SPACA7: variants seen among roughly 807,000 people sequenced by gnomAD.
The protein encoded by SPACA7 is sperm acrosome associated 7.
SPACA7 carries 19 observed loss-of-function variants against 26.3 expected under a neutral mutation model. That is an observed-to-expected ratio of 0.72 (90% confidence interval 0.50 to 1.06). The LOEUF (loss-of-function observed/expected upper bound fraction) is 1.06. Among genes scored for constraint, SPACA7 ranks in the 50% least tolerant of loss-of-function variants. The pLI, the probability that SPACA7 is intolerant of heterozygous loss-of-function variation, is 0.00. For missense variants in SPACA7, 211 were observed against 229.9 expected (o/e 0.92, Z 0.53); for synonymous variants, 84 against 84.5 (o/e 0.99, Z 0.04).
intron 2 of SPACA7, among the ~76,000 whole-genome samples, chr13:112,395,558 C>T (rs911590018): frequency 6.6e-6 from 1 of 152,174 alleles, no homozygotes; most frequent in Non-Finnish European, 1.5e-5. Context: ...GCAACCTCCA[C>T]CTTCTGGGTT....
chr13:112,406,910 A>C (rs1247961708), intron 5 of SPACA7, among the ~76,000 whole-genome samples: 1 of 152,228 alleles, frequency 6.6e-6, no homozygotes, highest in African/African-American at 2.4e-5. Context: ...TCAACAGAAT[A>C]TACATTCTTC....
intron 1 of SPACA7, among the ~76,000 whole-genome samples, chr13:112,381,085 T>C (rs1469825709): frequency 3.3e-5 from 5 of 152,200 alleles, no homozygotes; most frequent in Non-Finnish European, 5.9e-5. Flanking sequence ...GTACTGAGTG[T>C]TTCAATAGCT....
At chr13:112,417,366 C>CTGACT (rs1886759533) in intron 5 of SPACA7, among the ~76,000 whole-genome samples, 1 of 151,728 alleles carries the variant, frequency 6.6e-6, no homozygotes, top group Non-Finnish European at 1.5e-5. Flanking sequence ...TCTTGTTTTT[C>CTGACT]TGACTTACTT....
chr13:112,419,059 C>T (rs1045619227), intron 5 of SPACA7, among the ~76,000 whole-genome samples: 5 of 151,812 alleles, frequency 3.3e-5, no homozygotes, highest in African/African-American at 4.8e-5. Context: ...GCTACTCTCA[C>T]CCTAATAATA....
chr13:112,426,914 C>T (rs1876590143), intron 5 of SPACA7, among the ~76,000 whole-genome samples: 1 of 152,126 alleles, frequency 6.6e-6, no homozygotes, highest in Non-Finnish European at 1.5e-5. Flanking sequence ...ATCTCCAGTG[C>T]AATGTTGAAT....
At chr13:112,385,008 T>C (rs1013706119) in intron 1 of SPACA7, among the ~76,000 whole-genome samples, 1 of 152,208 alleles carries the variant, frequency 6.6e-6, no homozygotes, top group Admixed American at 6.5e-5. Context: ...TTTACAATTT[T>C]CCATCAAAGA....
At chr13:112,395,232 G>A (rs1015784927) in intron 2 of SPACA7, among the ~76,000 whole-genome samples, 2 of 152,238 alleles carry the variant, frequency 1.3e-5, no homozygotes, top group Admixed American at 1.3e-4. Flanking sequence ...GGCGGTGAGG[G>A]GTTGGTGAGG....
At chr13:112,425,345 A>G (rs994748693) in intron 5 of SPACA7, among the ~76,000 whole-genome samples, 1 of 152,232 alleles carries the variant, frequency 6.6e-6, no homozygotes, top group African/African-American at 2.4e-5. Flanking sequence ...TCTGAAACAG[A>G]AAAGATGGAC....
At chr13:112,417,024 ATTAAG>A (rs1886738041) in intron 5 of SPACA7, among the ~76,000 whole-genome samples, 1 of 151,232 alleles carries the variant, frequency 6.6e-6, no homozygotes. Flanking sequence ...TTTTTTTTTC[ATTAAG>A]TTGATAGAGA....
chr13:112,428,666 T>G (rs1234191978), intron 5 of SPACA7, among the ~76,000 whole-genome samples: 4 of 152,266 alleles, frequency 2.6e-5, no homozygotes, highest in African/African-American at 9.6e-5. Context: ...TACCATAATT[T>G]TATTGATTTA....
intron 5 of SPACA7, among the ~76,000 whole-genome samples, chr13:112,424,302 A>G (rs1279024600): frequency 5.3e-5 from 8 of 152,178 alleles, no homozygotes; most frequent in Admixed American, 2.6e-4. Flanking sequence ...CGTCATTTCA[A>G]TTCTGCGTTT....
At chr13:112,421,225 C>CAAAAAAAAAAAAAAAAAAAAAGAAAAAA (rs59236283) in intron 5 of SPACA7, among the ~76,000 whole-genome samples, 1 of 86,824 alleles carries the variant, frequency 1.2e-5, no homozygotes, top group East Asian at 2.7e-4. Context: ...AAGAAACATG[C>CAAAAAAAAAAAAAAAAAAAAAGAAAAAA]AAAAAAAAAA....
At chr13:112,427,629 T>G (rs1876661338) in intron 5 of SPACA7, among the ~76,000 whole-genome samples, 1 of 152,242 alleles carries the variant, frequency 6.6e-6, no homozygotes, top group Admixed American at 6.5e-5. Context: ...GAATATTATT[T>G]CTACCCAAAA....
At position 112,433,645 on chromosome 13, in the gene SPACA7, T is replaced by C. The variant is rs118068169; in HGVS notation, c.524-840T>C. Among the ~76,000 whole-genome samples the C allele has an allele frequency of 7.4e-3, 1,012 of 136,050 alleles. 67 individuals are homozygous for C. The highest frequency in any genetic ancestry group is 0.012 in the Non-Finnish European group (721 of 58,734). 89.3% of individuals were successfully genotyped at this position (136,050 alleles called of 152,430 possible). On this transcript the variant is annotated intron_variant, in intron 6 of 6. Transcript: ENST00000283550. Reference sequence around the variant, plus strand: ...CGCTGGAGACGACCTCCCTGCTGCATGAGTTGTCATCGAGCACAGGCCAAG... The same window carrying C: ...CGCTGGAGACGACCTCCCTGCTGCACGAGTTGTCATCGAGCACAGGCCAAG...
intron 5 of SPACA7, among the ~76,000 whole-genome samples, chr13:112,413,232 A>G (rs1004423698): frequency 3.3e-5 from 5 of 152,070 alleles, no homozygotes; most frequent in Non-Finnish European, 7.4e-5. Context: ...CAGATTGAAG[A>G]CTTCTTTTCA....
At chr13:112,414,641 C>T (rs1346456134) in intron 5 of SPACA7, among the ~76,000 whole-genome samples, 10 of 152,090 alleles carry the variant, frequency 6.6e-5, no homozygotes, top group South Asian at 2.1e-4. Flanking sequence ...GAACTCCTGA[C>T]GTCAAGTGAT....
At chr13:112,404,978 CTTT>C (rs373253878) in intron 5 of SPACA7, among the ~76,000 whole-genome samples, 30,890 of 93,334 alleles carry the variant, frequency 0.33, 4,321 homozygotes, top group Middle Eastern at 0.48. Context: ...GTATTCTCTT[CTTT>C]TTTTTTTTTT....
At chr13:112,391,421 C>T (rs912306099) in intron 1 of SPACA7, among the ~76,000 whole-genome samples, 15 of 152,168 alleles carry the variant, frequency 9.9e-5, no homozygotes, top group South Asian at 4.1e-4. Context: ...GAGCAGTTAA[C>T]GTGGTCCTAG....
At chr13:112,383,026 A>AAGAG (rs1555324355) in intron 1 of SPACA7, among the ~76,000 whole-genome samples, 2 of 95,220 alleles carry the variant, frequency 2.1e-5, no homozygotes, top group African/African-American at 7.1e-5. Context: ...GAAAGAAAGA[A>AAGAG]AGAGAGAGAG....
Sources: allele counts gnomAD v4.1 joint callset (sites outside exome capture counted in the v4.1 genomes callset), GRCh38; gene constraint gnomAD v4.1.1; transcripts MANE v1.5; gene names NCBI Gene and HGNC (gene_info 2026-07-23, HGNC 2026-07-21).